Variants in ADCY1 observed in about 807,000 individuals in gnomAD.
ADCY1 encodes adenylate cyclase 1, also known as adenylate cyclase type 1.
A neutral mutation model predicts 105.4 loss-of-function variants in ADCY1; 28 were observed. The observed-to-expected ratio is 0.27, with a 90% CI of 0.20 to 0.36. The LOEUF is 0.36. ADCY1 is among the 10% of genes least tolerant of loss of function. The probability of loss-of-function intolerance (pLI) is 1.00; values close to 1 mark genes in which losing one functional copy is unlikely to be tolerated. For missense variants in ADCY1, 977 were observed against 1,434.2 expected, an observed-to-expected ratio of 0.68 and a Z score of 5.15; for synonymous variants, 655 against 623.8, an observed-to-expected ratio of 1.05 and a Z score of -0.75.
chr7:45,622,579 T>C, intron 3 of ADCY1, 53 bp from the exon 4 acceptor site: 1 of 1,288,476 alleles, frequency 7.8e-7, no homozygotes, highest in South Asian at 1.2e-5. Flanking sequence ...TCTCTAGGGA[T>C]TATTTCCTGA....
chr7:45,657,666 G>T, intron 5 of ADCY1, 61 bp from the exon 6 acceptor site: 1 of 1,548,114 alleles, frequency 6.5e-7, no homozygotes. Context: ...TGCAGACCAA[G>T]GTGGCCCCCT....
At chr7:45,687,198 C>T (rs989184902) in intron 14 of ADCY1, among the ~76,000 whole-genome samples, 1 of 147,766 alleles carries the variant, frequency 6.8e-6, no homozygotes, top group Non-Finnish European at 1.5e-5. Context: ...TTGGGAGACT[C>T]CATGGAGTAG....
chr7:45,631,859 T>C (rs1315466597), intron 4 of ADCY1, among the ~76,000 whole-genome samples: 2 of 152,246 alleles, frequency 1.3e-5, no homozygotes, highest in African/African-American at 4.8e-5. Flanking sequence ...AATATATACC[T>C]ACAAAAAATA....
chr7:45,642,284 A>G (rs1018632084), intron 4 of ADCY1, among the ~76,000 whole-genome samples: 1 of 152,156 alleles, frequency 6.6e-6, no homozygotes. Context: ...AATAATGTGC[A>G]TGGGCTCAGG....
intron 12 of ADCY1, among the ~76,000 whole-genome samples, chr7:45,685,460 T>G: frequency 2.1e-5 from 3 of 140,214 alleles, no homozygotes; most frequent in South Asian, 2.3e-4. Flanking sequence ...GTAGTGGGAG[T>G]AACAGGATAG....
At chr7:45,699,381 A>G (rs1784948383) in intron 14 of ADCY1, among the ~76,000 whole-genome samples, 2 of 152,192 alleles carry the variant, frequency 1.3e-5, no homozygotes, top group Non-Finnish European at 1.5e-5. Flanking sequence ...TGACATGTAT[A>G]GTAGTGAGTC....
intron 2 of ADCY1, among the ~76,000 whole-genome samples, chr7:45,608,237 T>C (rs1584265627): frequency 6.6e-6 from 1 of 152,248 alleles, no homozygotes. Context: ...TGGCTCCTTG[T>C]ATGTCTTCTT....
chr7:45,629,034 C>A (rs1421631806), intron 4 of ADCY1, among the ~76,000 whole-genome samples: 1 of 152,176 alleles, frequency 6.6e-6, no homozygotes, highest in Non-Finnish European at 1.5e-5. Context: ...AAGCCATCAC[C>A]ACAGTCAAGA....
In ADCY1 at chr7:45,710,356, CTG is replaced by C. The variant is rs538094095; in HGVS notation, c.2933-165_2933-164del. Among the ~76,000 whole-genome samples, 93 of 152,134 alleles carry C rather than the reference CTG, an allele frequency of 6.1e-4. No individual in the cohort carries two copies. Among genetic ancestry groups the C allele is most frequent in the Non-Finnish European group, 1.1e-3 (75 of 68,018 alleles). On this transcript the variant is annotated intron_variant, in intron 18 of 19. Transcript: ENST00000297323. This position sits in a 1 kb window ranked among gnomAD's most constrained non-coding sequence, Gnocchi z 4.7. ...CAGCAGGGCAGCTGCCTCTCTGGTG[CTG>C]TGTGTGATGCTTCAGGAAGGAGCCT...
chr7:45,592,978 C>T (rs189484504), intron 2 of ADCY1, 70 bp downstream of exon 2: 4 of 1,587,450 alleles, frequency 2.5e-6, no homozygotes, highest in African/African-American at 2.7e-5. Context: ...AAGCTGGCTT[C>T]CTGAGCCTCA....
At chr7:45,638,270 T>C (rs753631099) in intron 4 of ADCY1, among the ~76,000 whole-genome samples, 28 of 152,232 alleles carry the variant, frequency 1.8e-4, no homozygotes, top group Non-Finnish European at 3.1e-4. Context: ...CATTGGTGAT[T>C]TTCTTCAAAA....
At chr7:45,659,911 G>T (rs1795049531) in intron 6 of ADCY1, 131 bp from the exon 7 acceptor site, 1 of 1,153,878 alleles carries the variant, frequency 8.7e-7, no homozygotes, top group African/African-American at 1.5e-5. Flanking sequence ...ATGGGAGCAT[G>T]AATACTCCCC....
intron 4 of ADCY1, among the ~76,000 whole-genome samples, chr7:45,628,333 G>C (rs1052010302): frequency 1.3e-5 from 2 of 152,210 alleles, no homozygotes; most frequent in Non-Finnish European, 2.9e-5. Context: ...CCTGCCTGAA[G>C]ACCTCGGTTT....
chr7:45,717,089 TGAGAAGA>T lies in ADCY1; in HGVS notation c.*3098_*3104del, dbSNP rs1323490019. 1 of 152,216 alleles carries T rather than the reference TGAGAAGA, an allele frequency of 6.6e-6. No homozygotes were observed. The highest frequency in any genetic ancestry group is 2.4e-5 in the African/African-American group (1 of 41,424). 9.4% of individuals were successfully genotyped at this position (152,216 alleles called of 1,614,324 possible). ...GACACCTTGGTTTGGCCTGTGAGACTGAGAAGAGAGCCAGCCACGCCATGCTGTGCCT... is the reference window on the plus strand; with the variant it reads ...GACACCTTGGTTTGGCCTGTGAGACTGAGCCAGCCACGCCATGCTGTGCCT... On this transcript the variant is annotated 3_prime_UTR_variant, in exon 20 of 20. Transcript: ENST00000297323.
chr7:45,652,235 A>G (rs1406604452), intron 5 of ADCY1, among the ~76,000 whole-genome samples: 2 of 152,222 alleles, frequency 1.3e-5, no homozygotes, highest in African/African-American at 2.4e-5. Context: ...AGGTCCCAAC[A>G]TTGGGAATTA....
rs182255328 is a variant in ADCY1 at position 45,705,333 on chromosome 7, G to A, written c.2817+717G>A. Among the ~76,000 whole-genome samples the A allele has an allele frequency of 1.7e-3, 257 of 152,246 alleles. 1 individual carries two copies. Among genetic ancestry groups the A allele is most frequent in the African/African-American group, 5.9e-3 (244 of 41,552 alleles). On this transcript the variant is annotated intron_variant, in intron 17 of 19. Transcript: ENST00000297323. The stretch of plus-strand genomic sequence containing the variant: ...ATGTATAAACCCCCAACAAATATTA[G>A]CACATTGAATTCAATAATGAATGGA...
At chr7:45,595,671 G>A (rs1388458193) in intron 2 of ADCY1, among the ~76,000 whole-genome samples, 1 of 152,088 alleles carries the variant, frequency 6.6e-6, no homozygotes, top group Non-Finnish European at 1.5e-5. Context: ...GCTTTTCCTT[G>A]TGTAAAATTC....
Position 45,578,971 on chromosome 7 carries a change from T to G in ADCY1, c.639+3789T>G, listed in dbSNP as rs184169017. On this transcript the variant is annotated intron_variant, in intron 1 of 19. Transcript: ENST00000297323. ...TATCAATGTAAATGAAATACATTTC[T>G]GTTCTGCCGAGTTCTTAGCTGTAGG... Among the ~76,000 whole-genome samples, 61 of 152,382 alleles carry G rather than the reference T, an allele frequency of 4.0e-4. No homozygotes were observed. In the East Asian group the frequency reaches 0.011, roughly 28 times the overall value.
At chr7:45,659,146 G>A (rs1562711369) in intron 6 of ADCY1, among the ~76,000 whole-genome samples, 1 of 152,204 alleles carries the variant, frequency 6.6e-6, no homozygotes, top group Non-Finnish European at 1.5e-5. Flanking sequence ...TCCTGGTGGA[G>A]CCACTGCTGG....
Sources: gnomAD v4.1 joint callset for allele counts (sites outside exome capture counted in the v4.1 genomes callset) on GRCh38, gnomAD v4.1.1 for gene constraint, Gnocchi (gnomAD v3.1) non-coding constraint, MANE v1.5 for transcripts, NCBI Gene and HGNC (gene_info 2026-07-23, HGNC 2026-07-21) for gene names.